The following FAM240C variants were observed in gnomAD, a reference collection of about 807,000 sequenced individuals.
The protein encoded by FAM240C is protein FAM240C.
In FAM240C, 14 loss-of-function variants were observed where a neutral mutation model predicts 10.0. The observed-to-expected ratio is 1.40, with a 90% CI of 0.92 to 2.19. The LOEUF is 2.19. Among genes scored for constraint, FAM240C ranks in the 30% most tolerant of loss-of-function variants. FAM240C has a pLI of 0.00. For synonymous variants in FAM240C, 49 were observed against 44.3 expected, an observed-to-expected ratio of 1.11 and a Z score of -0.42; for missense variants, 154 against 122.3, an observed-to-expected ratio of 1.26 and a Z score of -1.22.
chr2:241,896,238 T>G (rs1401918909), intron 2 of FAM240C, among the ~76,000 whole-genome samples: 1 of 152,120 alleles, frequency 6.6e-6, no homozygotes, highest in Non-Finnish European at 1.5e-5. Flanking sequence ...CCCTGAGCAG[T>G]GGCTACACCC....
upstream of FAM240C, among the ~76,000 whole-genome samples, chr2:241,901,799 G>C (rs1444238189): frequency 6.6e-6 from 1 of 152,226 alleles, no homozygotes; most frequent in African/African-American, 2.4e-5. The surrounding 1 kb of genome is among the most constrained non-coding windows in gnomAD (Gnocchi z 4.9). Context: ...GCAGGACTGC[G>C]TTTTTGTAAA....
Position 241,899,842 on chromosome 2 carries a change from C to T in FAM240C, c.12+516G>A, listed in dbSNP as rs916627008. On this transcript the variant is annotated intron_variant, in intron 1 of 2. Transcript: ENST00000404031. ...CAGCACTGTGGGAGGCCGAGGCGGG[C>T]GGATCACGAGGTCAGGAGATCCAGA... 1.1e-4 allele frequency among the ~76,000 whole-genome samples: 17 copies of T among 152,174 alleles called. No individual in the cohort carries two copies. In the East Asian group the frequency reaches 1.4e-3, roughly 12 times the overall value.
chr2:241,897,681 C>T (rs1334710422), intron 1 of FAM240C, among the ~76,000 whole-genome samples: 1 of 152,192 alleles, frequency 6.6e-6, no homozygotes, highest in Non-Finnish European at 1.5e-5. Flanking sequence ...ATCTGCAGTC[C>T]CACCAGCGAG....
Position 241,897,237 on chromosome 2 carries a change from G to C in FAM240C, c.110C>G (p.Ala37Gly). The C allele has an allele frequency of 1.3e-6, 2 of 1,549,954 alleles. No individual in the cohort carries two copies. Among genetic ancestry groups the C allele is most frequent in the Non-Finnish European group, 1.7e-6 (2 of 1,146,540 alleles). Residue 37 changes from alanine to glycine, a missense_variant, in exon 2 of 3, where the codon GCA becomes GGA. Transcript: ENST00000404031. ...GATGTCCTCGTTCTGCAGGTGTCTTGCGTGATGCTCGATTTTTTTCTCCCA... is the reference window on the plus strand; with the variant it reads ...GATGTCCTCGTTCTGCAGGTGTCTTCCGTGATGCTCGATTTTTTTCTCCCA... Reference protein sequence around the residue: ...MFWEKKIEHHARHLQNEDIRV... With the variant: ...MFWEKKIEHHGRHLQNEDIRV...
chr2:241,895,212 C>T (rs943479207), intron 2 of FAM240C, among the ~76,000 whole-genome samples: 4 of 152,264 alleles, frequency 2.6e-5, no homozygotes, highest in African/African-American at 9.6e-5. Context: ...TCACCCTTGC[C>T]AGGCCATGGC....
chr2:241,897,161 C>T (rs1037405506), intron 2 of FAM240C, 25 bp downstream of exon 2: 24 of 1,547,988 alleles, frequency 1.6e-5, no homozygotes, highest in Admixed American at 5.9e-5. Context: ...TAGGGGTCCC[C>T]GATGCACTGC....
intron 2 of FAM240C, among the ~76,000 whole-genome samples, chr2:241,895,966 G>C (rs1030620475): frequency 1.3e-5 from 2 of 151,458 alleles, no homozygotes; most frequent in African/African-American, 2.4e-5. Context: ...TCGGTGGTGG[G>C]GGGGGGCCTC....
chr2:241,896,627 GT>G (rs1258083513), intron 2 of FAM240C, among the ~76,000 whole-genome samples: 4 of 103,012 alleles, frequency 3.9e-5, no homozygotes, highest in Non-Finnish European at 6.4e-5. Context: ...GGGTGTGGGT[GT>G]TGGGGTGTGG....
In FAM240C at chr2:241,897,175, C is replaced by G. The variant is rs1701866865; in HGVS notation, c.161+11G>C. On this transcript the variant is annotated intron_variant, in intron 2 of 2. Coordinates refer to ENST00000404031, the MANE Select transcript of FAM240C (RefSeq NM_001382368.1). ...ATAGGGGTCCCCGATGCACTGCACA[C>G]CCCGACTCACTTGTTCAGAGCGCTT... The G allele has an allele frequency of 5.2e-6, 8 of 1,549,246 alleles. No homozygotes were observed. The highest frequency in any genetic ancestry group is 7.0e-6 in the Non-Finnish European group (8 of 1,146,280).
intron 2 of FAM240C, 58 bp from the exon 3 acceptor site, chr2:241,894,397 C>T (rs914458464): frequency 3.3e-6 from 5 of 1,503,598 alleles, no homozygotes; most frequent in Non-Finnish European, 4.5e-6. Flanking sequence ...TTAGTGACGG[C>T]CAAGCCCGTG....
At chr2:241,897,365 T>C (rs1701876677) in intron 1 of FAM240C, 31 bp from the exon 2 acceptor site, 1 of 1,547,344 alleles carries the variant, frequency 6.5e-7, no homozygotes, top group African/African-American at 1.4e-5. Context: ...AAGAGCTCAG[T>C]CACCTTATGC....
At chr2:241,898,544 TCAAACAAA>T (rs66467284) in intron 1 of FAM240C, among the ~76,000 whole-genome samples, 28 of 151,458 alleles carry the variant, frequency 1.8e-4, no homozygotes, top group East Asian at 1.6e-3. Context: ...AGACTCCGTC[TCAAACAAA>T]CAAACAAACA....
rs200557166 is a variant in FAM240C, at chr2:241,894,358, T to C, written c.162-19A>G. 3.9e-4 allele frequency: 598 copies of C among 1,531,470 alleles called. No individual in the cohort carries two copies. The highest frequency in any genetic ancestry group is 5.0e-4 in the Non-Finnish European group (573 of 1,137,162). The allele number at this position is 1,531,470 out of a possible 1,614,324, so 94.9% of individuals were successfully genotyped here. On this transcript the variant is annotated intron_variant, in intron 2 of 2. Coordinates refer to ENST00000404031, the MANE Select transcript of FAM240C (RefSeq NM_001382368.1). The stretch of plus-strand genomic sequence containing the variant: ...GCGGAGCCTGGGGCAGGGCGATAAT[T>C]TCGGCATTGTGAGTCAAGCTCTCGG...
chr2:241,899,014 C>G (rs940440911), intron 1 of FAM240C: 5 of 832,912 alleles, frequency 6.0e-6, no homozygotes, highest in African/African-American at 1.8e-5. Flanking sequence ...GCCCCCCACT[C>G]TTCTCTCTTG....
intron 1 of FAM240C, among the ~76,000 whole-genome samples, chr2:241,899,959 C>T (rs543168732): frequency 1.3e-5 from 2 of 151,856 alleles, no homozygotes; most frequent in African/African-American, 2.4e-5. Flanking sequence ...CCCAGCTACT[C>T]GGAAGGCTAA....
chr2:241,894,892 T>C (rs1415797548), intron 2 of FAM240C, among the ~76,000 whole-genome samples: 1 of 152,152 alleles, frequency 6.6e-6, no homozygotes, highest in Non-Finnish European at 1.5e-5. Context: ...CGGTGCTATG[T>C]TGTGATCTCA....
chr2:241,899,607 C>A (rs965598581), intron 1 of FAM240C, among the ~76,000 whole-genome samples: 1 of 152,238 alleles, frequency 6.6e-6, no homozygotes, highest in Non-Finnish European at 1.5e-5. Flanking sequence ...TGGAAAACAT[C>A]TGACAGCTGA....
In FAM240C at chr2:241,900,083, G is replaced by A. The variant is rs1701945115; in HGVS notation, c.12+275C>T. ...CTCCATCTCATAAACAACAACAACA[G>A]CAACAAAACAAAACAACAATGACAA... is the stretch of plus-strand genomic sequence containing the variant. On this transcript the variant is annotated intron_variant, in intron 1 of 2. Coordinates refer to ENST00000404031, the MANE Select transcript of FAM240C (RefSeq NM_001382368.1). This position sits in a 1 kb window ranked among gnomAD's most constrained non-coding sequence, Gnocchi z 4.5. Among the ~76,000 whole-genome samples the A allele has an allele frequency of 6.6e-6, 1 of 151,986 alleles. No individual in the cohort carries two copies. Among genetic ancestry groups the A allele is most frequent in the African/African-American group, 2.4e-5 (1 of 41,372 alleles).
Position 241,897,330 on chromosome 2 carries a change from A to C in FAM240C, c.17T>G (p.Met6Arg), listed in dbSNP as rs544030321. Residue 6 changes from methionine to arginine, a missense_variant, in exon 2 of 3, where the codon ATG (methionine) becomes AGG (arginine). Physicochemically the swap from Met to Arg is moderately conservative, Grantham distance 91 (BLOSUM62 -1). Coordinates refer to ENST00000404031, the MANE Select transcript of FAM240C (RefSeq NM_001382368.1). MVGKN[M>R]SKSLTLKNPG... ...ATTCTTAAGAGTGAGGCTTTTACTC[A>C]TGTTCTGGAAAATAAAAAGTGGAGA... 33 of 1,549,226 alleles carry C rather than the reference A, an allele frequency of 2.1e-5. No individual in the cohort carries two copies. In the Admixed American group the frequency reaches 3.5e-4, roughly 17 times the overall value.
Sources: allele counts gnomAD v4.1 joint callset (sites outside exome capture counted in the v4.1 genomes callset), GRCh38; gene constraint gnomAD v4.1.1; non-coding constraint Gnocchi (gnomAD v3.1); transcripts MANE v1.5; gene names NCBI Gene and HGNC (gene_info 2026-07-23, HGNC 2026-07-21).